The following APBB2 variants were observed in gnomAD, a reference collection of about 807,000 sequenced individuals.
APBB2 encodes the protein amyloid beta precursor protein binding family B member 2.
Under a neutral mutation model 82.5 loss-of-function variants are expected in APBB2, and 38 were observed. That is an observed-to-expected ratio of 0.46 (90% CI 0.36 to 0.60). APBB2 has a LOEUF of 0.60. Ranked by LOEUF, APBB2 falls within the 20% of genes least tolerant of loss-of-function variation. The pLI, the probability that APBB2 is intolerant of heterozygous loss-of-function variation, is 0.00. For synonymous variants in APBB2, 341 were observed against 368.2 expected (o/e 0.93, Z 0.85); for missense variants, 772 against 972.3 (o/e 0.79, Z 2.74).
chr4:41,016,789 T>C (rs941253732), intron 5 of APBB2, among the ~76,000 whole-genome samples: 1 of 151,920 alleles, frequency 6.6e-6, no homozygotes, highest in Admixed American at 6.6e-5. Flanking sequence ...AGAGGCTGAA[T>C]AGAAAAGGAC....
intron 2 of APBB2, among the ~76,000 whole-genome samples, chr4:41,115,970 T>C (rs1396346047): frequency 1.3e-5 from 2 of 152,188 alleles, no homozygotes; most frequent in East Asian, 3.8e-4. Flanking sequence ...ACTGGGTATA[T>C]ACAAAAAGAT....
At chr4:41,137,089 T>C (rs1757776664) in intron 2 of APBB2, among the ~76,000 whole-genome samples, 1 of 152,240 alleles carries the variant, frequency 6.6e-6, no homozygotes, top group South Asian at 2.1e-4. Context: ...TAGCATTTTA[T>C]ACTATGAAAA....
chr4:40,924,202 A>G (rs1407803221), intron 10 of APBB2, among the ~76,000 whole-genome samples: 1 of 152,182 alleles, frequency 6.6e-6, no homozygotes. Context: ...CATGCATGAG[A>G]GGCTGAATCT....
chr4:40,884,928 A>T (rs1769789069), intron 12 of APBB2, among the ~76,000 whole-genome samples: 2 of 152,262 alleles, frequency 1.3e-5, no homozygotes, highest in Admixed American at 1.3e-4. Flanking sequence ...CAAGTCAAAG[A>T]TAACCTCATT....
intron 6 of APBB2, among the ~76,000 whole-genome samples, chr4:40,950,452 C>T (rs909377563): frequency 6.6e-6 from 1 of 152,212 alleles, no homozygotes; most frequent in Non-Finnish European, 1.5e-5. Flanking sequence ...TGGCTCATGC[C>T]TATAATCCCA....
At chr4:41,028,813 C>T (rs756025732) in intron 5 of APBB2, among the ~76,000 whole-genome samples, 11 of 152,208 alleles carry the variant, frequency 7.2e-5, no homozygotes, top group Non-Finnish European at 1.5e-4. Flanking sequence ...CCACAAAGGC[C>T]CCAGCACAGA....
chr4:40,947,083 A>C (rs1788659876), intron 6 of APBB2, among the ~76,000 whole-genome samples: 1 of 152,232 alleles, frequency 6.6e-6, no homozygotes, highest in Non-Finnish European at 1.5e-5. Context: ...AAACAACTCT[A>C]ATCAAACATG....
chr4:40,913,373 T>G, intron 10 of APBB2, among the ~76,000 whole-genome samples: 1 of 152,250 alleles, frequency 6.6e-6, no homozygotes, highest in East Asian at 1.9e-4. Flanking sequence ...AGGCGGAATC[T>G]GAGGCAATTC....
At chr4:41,025,073 A>C (rs1331991540) in intron 5 of APBB2, among the ~76,000 whole-genome samples, 1 of 152,152 alleles carries the variant, frequency 6.6e-6, no homozygotes, top group Non-Finnish European at 1.5e-5. Flanking sequence ...CAGTTTTTGG[A>C]TGTTAATCCG....
chr4:41,176,495 C>T (rs1769819252), intron 1 of APBB2, among the ~76,000 whole-genome samples: 2 of 151,968 alleles, frequency 1.3e-5, no homozygotes, highest in Non-Finnish European at 2.9e-5. Context: ...CCCCACCTAC[C>T]AGCCCAAAGG....
At chr4:40,829,952 C>CT (rs1482261208) in intron 13 of APBB2, among the ~76,000 whole-genome samples, 1 of 152,248 alleles carries the variant, frequency 6.6e-6, no homozygotes, top group East Asian at 1.9e-4. Context: ...TTGCCACCTC[C>CT]TTTCCTGTAG....
chr4:41,178,870 C>G (rs1263779733), intron 1 of APBB2, among the ~76,000 whole-genome samples: 1 of 152,188 alleles, frequency 6.6e-6, no homozygotes, highest in African/African-American at 2.4e-5. Flanking sequence ...AATACAAATA[C>G]TTGAGCCATA....
At position 41,081,321 on chromosome 4, in the gene APBB2, C is replaced by G. The variant is rs146046184; in HGVS notation, c.-148-15648G>C. ...GTACACATGTGTGAAACTGTACAAT[C>G]TAATCACCACAGCTCTGCAAAGAAC... On this transcript the variant is annotated intron_variant, in intron 3 of 17. Transcript: ENST00000508593. Among the ~76,000 whole-genome samples, 573 of 152,246 alleles carry G rather than the reference C, an allele frequency of 3.8e-3. 3 individuals carry two copies. Among genetic ancestry groups the G allele is most frequent in the Non-Finnish European group, 6.2e-3 (419 of 68,024 alleles).
intron 5 of APBB2, among the ~76,000 whole-genome samples, 155 bp downstream of exon 5, chr4:41,033,081 C>T (rs538217189): frequency 6.6e-6 from 1 of 152,126 alleles, no homozygotes; most frequent in Admixed American, 6.5e-5. Flanking sequence ...CCGCGCCCGG[C>T]CAAGATTCAT....
chr4:41,081,031 C>T (rs1221840348), intron 3 of APBB2, among the ~76,000 whole-genome samples: 1 of 152,188 alleles, frequency 6.6e-6, no homozygotes, highest in Non-Finnish European at 1.5e-5. Flanking sequence ...TCAAATTTGA[C>T]CAATTGCCAA....
At chr4:41,170,283 G>C (rs1372498297) in intron 1 of APBB2, among the ~76,000 whole-genome samples, 1 of 152,088 alleles carries the variant, frequency 6.6e-6, no homozygotes, top group Non-Finnish European at 1.5e-5. Flanking sequence ...GCCATCCGGA[G>C]GGCAATCTTA....
intron 6 of APBB2, among the ~76,000 whole-genome samples, chr4:41,012,780 G>C (rs1256990123): frequency 2.0e-5 from 3 of 152,098 alleles, no homozygotes; most frequent in Non-Finnish European, 2.9e-5. Context: ...CTGAGTGCTT[G>C]TTTACGCTGA....
intron 6 of APBB2, among the ~76,000 whole-genome samples, chr4:40,989,673 A>C (rs1165140628): frequency 6.6e-6 from 1 of 152,132 alleles, no homozygotes. Flanking sequence ...AGGTGCATGC[A>C]CTGCACAGAC....
At chr4:40,870,111 G>T (rs1483375673) in intron 12 of APBB2, among the ~76,000 whole-genome samples, 1 of 152,112 alleles carries the variant, frequency 6.6e-6, no homozygotes, top group Non-Finnish European at 1.5e-5. Flanking sequence ...CCCATGAAAT[G>T]AAATAATCCT....
Sources: gnomAD v4.1 joint callset for allele counts (sites outside exome capture counted in the v4.1 genomes callset) on GRCh38, gnomAD v4.1.1 for gene constraint, MANE v1.5 for transcripts, NCBI Gene and HGNC (gene_info 2026-07-23, HGNC 2026-07-21) for gene names.